The following PLCE1 variants were observed in gnomAD, a reference collection of about 807,000 sequenced individuals.
PLCE1 encodes the protein 1-phosphatidylinositol 4,5-bisphosphate phosphodiesterase epsilon-1.
A neutral mutation model predicts 242.8 loss-of-function variants in PLCE1; 119 were observed. The ratio of observed to expected loss-of-function variants is 0.49; its 90% CI spans 0.42 to 0.57. The LOEUF (loss-of-function observed/expected upper bound fraction) is 0.57. PLCE1 is among the 20% of genes least tolerant of loss of function. The probability of loss-of-function intolerance (pLI) is 0.00; values close to 1 mark genes in which losing one functional copy is unlikely to be tolerated. For synonymous variants in PLCE1, 945 were observed against 1,017.4 expected (o/e 0.93, Z 1.35); for missense variants, 2,441 against 2,788.8 (o/e 0.88, Z 2.81).
At chr10:94,148,253 C>G (rs2047174003) in intron 3 of PLCE1, among the ~76,000 whole-genome samples, 1 of 152,128 alleles carries the variant, frequency 6.6e-6, no homozygotes, top group African/African-American at 2.4e-5. Flanking sequence ...ATGGCAAGAA[C>G]AAAGGCTTAG....
Position 94,298,501 on chromosome 10 carries a change from G to GCC in PLCE1, c.5291_5292dup (p.Ala1765ProfsTer13). 1 of 1,614,012 alleles carries GCC rather than the reference G, an allele frequency of 6.2e-7. No individual in the cohort carries two copies. Among genetic ancestry groups the GCC allele is most frequent in the Non-Finnish European group, 8.5e-7 (1 of 1,180,004 alleles). ...TCATATCTCGTCGCTGAATGAAAAT[G>GCC]CCGCCAAACGTCTGTGTCGCAGGTA... On this transcript the variant is annotated frameshift_variant, in exon 24 of 33. Coordinates refer to ENST00000371380, the MANE Select transcript of PLCE1 (RefSeq NM_016341.4). LOFTEE classifies it high-confidence loss of function. The surrounding 1 kb of genome is among the most constrained non-coding windows in gnomAD (Gnocchi z 5.2).
Position 94,171,577 on chromosome 10 carries a change from C to G in PLCE1, c.1809+81C>G, listed in dbSNP as rs1432956958. 6.3e-6 allele frequency: 7 copies of G among 1,109,768 alleles called. No individual in the cohort carries two copies. In the African/African-American group the frequency reaches 1.1e-4, roughly 17 times the overall value. The allele number at this position is 1,109,768 out of a possible 1,614,324, so 68.7% of individuals were successfully genotyped here. A position where few individuals can be genotyped will look rare whatever the true frequency, so the allele number is the denominator to read the frequency against. ...AGCATACCTCCCCTTCTAGGTTTGTCTGTTCCTGATGTGTTCATTTCATTC... is the reference window on the plus strand; with the variant it reads ...AGCATACCTCCCCTTCTAGGTTTGTGTGTTCCTGATGTGTTCATTTCATTC... On this transcript the variant is annotated intron_variant, in intron 4 of 32. Transcript: ENST00000371380.
At chr10:94,071,806 T>G (rs997238336) in intron 2 of PLCE1, among the ~76,000 whole-genome samples, 1 of 152,108 alleles carries the variant, frequency 6.6e-6, no homozygotes, top group South Asian at 2.1e-4. Context: ...GCCTTCCTAT[T>G]TCTTTCCCCC....
chr10:94,323,474 G>A (rs1222614628), intron 30 of PLCE1, among the ~76,000 whole-genome samples: 1 of 152,142 alleles, frequency 6.6e-6, no homozygotes, highest in African/African-American at 2.4e-5. Flanking sequence ...TTTCTTTTGT[G>A]TAAATGCCCC....
intron 16 of PLCE1, among the ~76,000 whole-genome samples, chr10:94,266,957 G>A (rs553910149): frequency 1.3e-5 from 2 of 152,196 alleles, no homozygotes; most frequent in Admixed American, 6.5e-5. Context: ...CCCCCACACT[G>A]AGATGAGGAA....
chr10:94,118,775 G>T (rs1490446861), intron 2 of PLCE1, among the ~76,000 whole-genome samples: 1 of 152,098 alleles, frequency 6.6e-6, no homozygotes, highest in African/African-American at 2.4e-5. Context: ...GGACTAATAC[G>T]TATGCTCTTC....
At chr10:94,202,510 G>A (rs1043821034) in intron 4 of PLCE1, among the ~76,000 whole-genome samples, 12 of 152,000 alleles carry the variant, frequency 7.9e-5, no homozygotes, top group East Asian at 3.9e-4. Flanking sequence ...ACGCTACCCC[G>A]ACTCCTAATT....
In PLCE1 at chr10:94,321,880, ATTT is replaced by A; in HGVS notation, c.6343-17_6343-15del. ...CTGCATAAACCTATTATTTACTCAC[ATTT>A]TTTCTTTTTAAACATAGAACCTAGA... is the stretch of plus-strand genomic sequence containing the variant. On this transcript the variant is annotated intron_variant, in intron 29 of 32. Transcript: ENST00000371380. 1.9e-6 allele frequency: 3 copies of A among 1,588,044 alleles called. No homozygotes were observed. Among genetic ancestry groups the A allele is most frequent in the Non-Finnish European group, 2.6e-6 (3 of 1,156,588 alleles).
chr10:94,032,991 TA>T (rs1319759443), intron 2 of PLCE1, among the ~76,000 whole-genome samples: 2 of 151,924 alleles, frequency 1.3e-5, no homozygotes. Context: ...AATATAACAA[TA>T]AAAAATAACA....
intron 13 of PLCE1, among the ~76,000 whole-genome samples, chr10:94,261,806 CA>C (rs1210801228): frequency 1.3e-5 from 2 of 152,078 alleles, no homozygotes; most frequent in African/African-American, 4.8e-5. Flanking sequence ...AATCTGTAAA[CA>C]AATGCTTATA....
At chr10:94,176,442 CT>C (rs1357033125) in intron 4 of PLCE1, among the ~76,000 whole-genome samples, 1 of 152,040 alleles carries the variant, frequency 6.6e-6, no homozygotes, top group Non-Finnish European at 1.5e-5. Context: ...CTCGTCTTCT[CT>C]TTTTTTCCAT....
intron 13 of PLCE1, among the ~76,000 whole-genome samples, chr10:94,260,044 T>C (rs746237551): frequency 3.3e-5 from 5 of 152,140 alleles, no homozygotes; most frequent in Non-Finnish European, 7.4e-5. Flanking sequence ...CAACATGGAA[T>C]TGTGGGAGCT....
chr10:94,018,367 G>T lies in PLCE1; in HGVS notation c.-364-12316G>T, dbSNP rs558837329. On this transcript the variant is annotated intron_variant, in intron 1 of 32. Coordinates refer to ENST00000371380, the MANE Select transcript of PLCE1 (RefSeq NM_016341.4). ...AACTTTCCTGGGCTTGCCCAGGATA[G>T]TTCTACTGCTTTTGCTGATGGAGGC... 7.2e-5 allele frequency among the ~76,000 whole-genome samples: 11 copies of T among 152,306 alleles called. No individual in the cohort carries two copies. In the South Asian group the frequency reaches 2.3e-3, roughly 32 times the overall value.
intron 20 of PLCE1, chr10:94,280,714 T>C (rs2052177015): frequency 6.6e-6 from 1 of 152,212 alleles, no homozygotes; most frequent in South Asian, 2.1e-4. Context: ...TCTTTCTATG[T>C]AGAATAATTG....
Position 94,236,133 on chromosome 10 carries a change from C to A in PLCE1, c.2420+13C>A. ...AAAGCCGATGGCAGTAAGTTTTACA[C>A]GTTAAAAGTGAGGAATGCTCATCTC... On this transcript the variant is annotated intron_variant, in intron 7 of 32. Transcript: ENST00000371380. 1 of 1,605,618 alleles carries A rather than the reference C, an allele frequency of 6.2e-7. No individual in the cohort carries two copies.
intron 11 of PLCE1, among the ~76,000 whole-genome samples, chr10:94,255,908 ACACACACTCTCTCTCTCT>A (rs1361175151): frequency 2.0e-4 from 19 of 96,200 alleles, no homozygotes; most frequent in African/African-American, 7.0e-4. Context: ...ACACACACAC[ACACACACTCTCTCTCTCT>A]CTCTCTCTCT....
At chr10:94,316,381 C>T (rs1202038937) in intron 28 of PLCE1, among the ~76,000 whole-genome samples, 166 bp from the exon 29 acceptor site, 5 of 152,134 alleles carry the variant, frequency 3.3e-5, no homozygotes, top group Admixed American at 6.6e-5. Flanking sequence ...CATAAACAAT[C>T]CATTCTGAAC....
chr10:94,033,097 T>C (rs932529889), intron 2 of PLCE1, among the ~76,000 whole-genome samples: 3 of 152,084 alleles, frequency 2.0e-5, no homozygotes, highest in African/African-American at 7.2e-5. Flanking sequence ...GGAAGATGCA[T>C]GTATGTTATA....
intron 4 of PLCE1, among the ~76,000 whole-genome samples, chr10:94,222,463 A>G (rs752032645): frequency 1.3e-5 from 2 of 152,212 alleles, no homozygotes; most frequent in African/African-American, 4.8e-5. Flanking sequence ...CAGATCCAGC[A>G]TCTGCCTTAA....
Sources: gnomAD v4.1 joint callset for allele counts (sites outside exome capture counted in the v4.1 genomes callset) on GRCh38, gnomAD v4.1.1 for gene constraint, Gnocchi (gnomAD v3.1) non-coding constraint, MANE v1.5 for transcripts, NCBI Gene and HGNC (gene_info 2026-07-23, HGNC 2026-07-21) for gene names.